Variants in TNIK observed in about 807,000 individuals in gnomAD.
TNIK encodes TRAF2 and NCK interacting kinase.
A neutral mutation model predicts 191.3 loss-of-function variants in TNIK; 49 were observed. The ratio of observed to expected loss-of-function variants is 0.26; its 90% confidence interval spans 0.20 to 0.32. TNIK has a LOEUF of 0.32. TNIK is among the 10% of genes least tolerant of loss of function. The probability of loss-of-function intolerance (pLI) is 1.00; values close to 1 mark genes in which losing one functional copy is unlikely to be tolerated. For synonymous variants in TNIK, 594 were observed against 600.9 expected (o/e 0.99, Z 0.17); for missense variants, 1,155 against 1,702.3 (o/e 0.68, Z 5.66).
At chr3:171,439,799 C>T (rs1726532598) in intron 1 of TNIK, among the ~76,000 whole-genome samples, 1 of 152,190 alleles carries the variant, frequency 6.6e-6, no homozygotes, top group South Asian at 2.1e-4. Flanking sequence ...GAAAGTCTTG[C>T]CCTAACCAAG....
At chr3:171,448,367 C>T (rs1169413762) in intron 1 of TNIK, among the ~76,000 whole-genome samples, 48 of 152,314 alleles carry the variant, frequency 3.2e-4, no homozygotes, top group Non-Finnish European at 4.4e-5. Context: ...TGGAATCATA[C>T]AACCATGTGT....
chr3:171,293,800 C>T (rs1410188930), intron 2 of TNIK, among the ~76,000 whole-genome samples: 1 of 152,054 alleles, frequency 6.6e-6, no homozygotes, highest in Non-Finnish European at 1.5e-5. Flanking sequence ...AAATAATAGG[C>T]CAGGTGCAGT....
At position 171,160,125 on chromosome 3, in the gene TNIK, G is replaced by T. The variant is rs146079235; in HGVS notation, c.1016+1145C>A. Among the ~76,000 whole-genome samples the T allele has an allele frequency of 1.3e-3, 199 of 152,304 alleles. 3 individuals are homozygous for T. Among genetic ancestry groups the T allele is most frequent in the Non-Finnish European group, 5.7e-4 (39 of 68,022 alleles). ...TCATTTTCTATGTCACTACTTGGCA[G>T]TCATCTTCTTTATGCAGCTAAACCG... On this transcript the variant is annotated intron_variant, in intron 11 of 32. Transcript: ENST00000436636.
At position 171,418,947 on chromosome 3, in the gene TNIK, T is replaced by C. The variant is rs539673434; in HGVS notation, c.57+41060A>G. ...ATTGAGGTCCAGCAGGGTCAGTTTC[T>C]GGTGAGGGTTCTCTTTCTGGCTTGC... On this transcript the variant is annotated intron_variant, in intron 1 of 32. Coordinates refer to ENST00000436636, the MANE Select transcript of TNIK (RefSeq NM_015028.4). 3.3e-4 allele frequency among the ~76,000 whole-genome samples: 51 copies of C among 152,278 alleles called. 1 individual carries two copies. The highest frequency in any genetic ancestry group is 1.1e-3 in the African/African-American group (47 of 41,566).
At chr3:171,249,005 G>T (rs1745924754) in intron 2 of TNIK, among the ~76,000 whole-genome samples, 1 of 152,172 alleles carries the variant, frequency 6.6e-6, no homozygotes, top group African/African-American at 2.4e-5. Context: ...CTATCAATCT[G>T]ACTTAAAATG....
In TNIK at chr3:171,192,477, T is replaced by C. The variant is rs9824231; in HGVS notation, c.418-1690A>G. ...AGTCATGTCTGAAATGCTGGTATCA[T>C]TTCGGAGAATATACTGGAAAAAGGA... is the stretch of plus-strand genomic sequence containing the variant. On this transcript the variant is annotated intron_variant, in intron 5 of 32. Coordinates refer to ENST00000436636, the MANE Select transcript of TNIK (RefSeq NM_015028.4). Among the ~76,000 whole-genome samples the C allele has an allele frequency of 8.6e-3, 1,304 of 152,344 alleles. 24 individuals are homozygous for C. Among genetic ancestry groups the C allele is most frequent in the African/African-American group, 0.03 (1,232 of 41,570 alleles).
chr3:171,219,246 T>G (rs1450109816), intron 3 of TNIK, among the ~76,000 whole-genome samples: 1 of 140,766 alleles, frequency 7.1e-6, no homozygotes, highest in Non-Finnish European at 1.5e-5. Flanking sequence ...TTATATGTAA[T>G]ATATAATTTA....
rs147207950 is a variant in TNIK at position 171,262,472 on chromosome 3, C to G, written c.124-34251G>C. On this transcript the variant is annotated intron_variant, in intron 2 of 32. Coordinates refer to ENST00000436636, the MANE Select transcript of TNIK (RefSeq NM_015028.4). ...ATTCTACACAGCTCCTTAAAATACT[C>G]TGAAAGATAAAAGATCAATGTCTGG... 5.9e-5 allele frequency among the ~76,000 whole-genome samples: 9 copies of G among 152,286 alleles called. No individual in the cohort carries two copies. The East Asian group carries it at 1.7e-3, about 29-fold the overall frequency.
At chr3:171,162,635 T>A (rs1248662787) in intron 10 of TNIK, among the ~76,000 whole-genome samples, 1 of 152,160 alleles carries the variant, frequency 6.6e-6, no homozygotes, top group Non-Finnish European at 1.5e-5. Flanking sequence ...GGAAGGAATA[T>A]TTAGTGGGTA....
chr3:171,242,623 G>C (rs192536803), intron 2 of TNIK, among the ~76,000 whole-genome samples: 1 of 151,866 alleles, frequency 6.6e-6, no homozygotes, highest in Non-Finnish European at 1.5e-5. Context: ...TAAAATTGGC[G>C]CTCATATAAG....
intron 30 of TNIK, among the ~76,000 whole-genome samples, chr3:171,067,025 A>G (rs961876332): frequency 6.6e-6 from 1 of 152,208 alleles, no homozygotes; most frequent in South Asian, 2.1e-4. Context: ...AGTACCTACA[A>G]TAGCTCCCCA....
At chr3:171,113,067 A>G (rs1407155485) in intron 18 of TNIK, among the ~76,000 whole-genome samples, 2 of 152,216 alleles carry the variant, frequency 1.3e-5, no homozygotes. Flanking sequence ...CACTCCATAC[A>G]AGGTTTTATA....
chr3:171,271,872 T>C (rs1437730769), intron 2 of TNIK, among the ~76,000 whole-genome samples: 1 of 152,206 alleles, frequency 6.6e-6, no homozygotes, highest in East Asian at 1.9e-4. Flanking sequence ...AAGTTCCAAT[T>C]ATGTTTAATT....
At chr3:171,187,792 A>G (rs1254460558) in intron 7 of TNIK, among the ~76,000 whole-genome samples, 1 of 152,294 alleles carries the variant, frequency 6.6e-6, no homozygotes, top group South Asian at 2.1e-4. Flanking sequence ...GAGGATCATT[A>G]AAGTGTTTTG....
intron 3 of TNIK, among the ~76,000 whole-genome samples, chr3:171,221,749 A>AT (rs111360097): frequency 1.3e-4 from 20 of 151,730 alleles, no homozygotes; most frequent in Middle Eastern, 3.4e-3. Flanking sequence ...CTAGTAAGCC[A>AT]TTTTTTTTCA....
At chr3:171,180,134 TAAG>T (rs1436958745) in intron 7 of TNIK, among the ~76,000 whole-genome samples, 1 of 151,968 alleles carries the variant, frequency 6.6e-6, no homozygotes, top group Non-Finnish European at 1.5e-5. Context: ...GGTTCTGGGG[TAAG>T]AAGAACTCAA....
intron 6 of TNIK, among the ~76,000 whole-genome samples, chr3:171,189,379 A>G (rs1737750444): frequency 1.3e-5 from 2 of 152,152 alleles, no homozygotes; most frequent in South Asian, 2.1e-4. Flanking sequence ...ATGTTTTTAA[A>G]CTGCATGAGA....
chr3:171,108,187 A>G, intron 19 of TNIK, 25 bp from the exon 20 acceptor site: 1 of 1,507,768 alleles, frequency 6.6e-7, no homozygotes, highest in Non-Finnish European at 8.9e-7. Flanking sequence ...CAGAGGACCA[A>G]GAAAGAGATG....
chr3:171,118,467 G>A (rs1191669246), intron 18 of TNIK, among the ~76,000 whole-genome samples: 6 of 152,136 alleles, frequency 3.9e-5, no homozygotes, highest in Admixed American at 3.9e-4. Flanking sequence ...CCAAAAAAGA[G>A]CTCACATTGC....
Sources: allele counts gnomAD v4.1 joint callset (sites outside exome capture counted in the v4.1 genomes callset), GRCh38; gene constraint gnomAD v4.1.1; transcripts MANE v1.5; gene names NCBI Gene and HGNC (gene_info 2026-07-23, HGNC 2026-07-21).